Variants in COL11A1 observed in about 807,000 individuals in gnomAD.
The protein encoded by COL11A1 is collagen alpha-1(XI) chain.
A neutral mutation model predicts 265.2 loss-of-function variants in COL11A1; 74 were observed. The ratio of observed to expected loss-of-function variants is 0.28; its 90% CI spans 0.23 to 0.34. The LOEUF (loss-of-function observed/expected upper bound fraction) is 0.34, where lower values mean the gene tolerates loss of function less well. Among genes scored for constraint, COL11A1 ranks in the 10% least tolerant of loss-of-function variants. The probability of loss-of-function intolerance (pLI) is 1.00; values close to 1 mark genes in which losing one functional copy is unlikely to be tolerated. For missense variants in COL11A1, 2,165 were observed against 2,263.6 expected, an observed-to-expected ratio of 0.96 and a Z score of 0.88; for synonymous variants, 816 against 727.6, an observed-to-expected ratio of 1.12 and a Z score of -1.96.
rs758825857 is a variant in COL11A1, at chr1:102,995,999, C to T, written c.2285G>A (p.Arg762Gln). The change falls in exon 27 of 67, where the codon CGG becomes CAG. Residue 762 changes from arginine (R) to glutamine (Q), a missense_variant. Coordinates refer to ENST00000370096, the MANE Select transcript of COL11A1 (RefSeq NM_001854.4). ...ACAATTTAACGTTACCTTTACTCCC[C>T]GGGGGCCCGGGTATCCAATAGGACC... ...PQGPIGYPGP[R>Q]GVKGADGVRG... 2.2e-5 allele frequency: 36 copies of T among 1,613,256 alleles called. No individual in the cohort carries two copies. The highest frequency in any genetic ancestry group is 1.3e-4 in the South Asian group (12 of 91,072).
At chr1:102,940,532 T>C (rs1658616835) in intron 42 of COL11A1, 98 bp from the exon 43 acceptor site, 1 of 884,072 alleles carries the variant, frequency 1.1e-6, no homozygotes, top group African/African-American at 1.7e-5. Context: ...TATTGTTTAA[T>C]GTTTTTTAGA....
chr1:102,945,433 T>C (rs775763040), intron 42 of COL11A1, among the ~76,000 whole-genome samples: 4 of 152,172 alleles, frequency 2.6e-5, no homozygotes, highest in Non-Finnish European at 4.4e-5. Context: ...TGTGGTATTC[T>C]GTTATAACTG....
intron 42 of COL11A1, among the ~76,000 whole-genome samples, chr1:102,943,058 C>T (rs1265721139): frequency 1.3e-5 from 2 of 152,044 alleles, no homozygotes; most frequent in African/African-American, 2.4e-5. Flanking sequence ...CTTGAGTCTA[C>T]TCTCATTTCC....
At chr1:103,015,318 T>C (rs1222908648) in intron 12 of COL11A1, among the ~76,000 whole-genome samples, 1 of 151,904 alleles carries the variant, frequency 6.6e-6, no homozygotes, top group Admixed American at 6.6e-5. Context: ...AAATACTATT[T>C]ATGACTATAT....
chr1:102,968,042 C>T (rs971743418), intron 37 of COL11A1, among the ~76,000 whole-genome samples: 1 of 152,124 alleles, frequency 6.6e-6, no homozygotes, highest in Non-Finnish European at 1.5e-5. Flanking sequence ...CTCATTCAAT[C>T]CATTCAGAGT....
chr1:103,011,595 G>A (rs1488654446), intron 14 of COL11A1, among the ~76,000 whole-genome samples: 1 of 151,858 alleles, frequency 6.6e-6, no homozygotes, highest in Non-Finnish European at 1.5e-5. Flanking sequence ...AGAAGGCAAA[G>A]TACTTGATTT....
intron 2 of COL11A1, among the ~76,000 whole-genome samples, chr1:103,079,101 A>T (rs944093929): frequency 6.6e-6 from 1 of 152,112 alleles, no homozygotes; most frequent in African/African-American, 2.4e-5. Flanking sequence ...TTAAAGCACA[A>T]TGTTTATGTG....
intron 29 of COL11A1, 59 bp downstream of exon 29, chr1:102,989,459 G>GA (rs1454791339): frequency 3.2e-5 from 33 of 1,039,906 alleles, no homozygotes; most frequent in South Asian, 4.1e-5. Flanking sequence ...ATAAGCAAAG[G>GA]AAAAAATATA....
rs1439780148 is a variant in COL11A1, at chr1:102,898,750, A to T, written c.4164T>A (p.Pro1388=). The part of the protein sequence containing the change: ...GAKGEAGAEG[P]PGKTGPVGPQ... Reference sequence around the variant, plus strand: ...GACCGACTGGGCCGGTTTTTCCAGGAGGACCTTCTGCACCTGCTTCCCCCT... The same window carrying T: ...GACCGACTGGGCCGGTTTTTCCAGGTGGACCTTCTGCACCTGCTTCCCCCT... Residue 1388 remains proline (P), a synonymous_variant, in exon 56 of 67, where the codon CCT becomes CCA. Transcript: ENST00000370096. 6.2e-7 allele frequency: 1 copy of T among 1,613,168 alleles called. No individual in the cohort carries two copies. Among genetic ancestry groups the T allele is most frequent in the African/African-American group, 1.3e-5 (1 of 74,864 alleles).
rs1312927129 is a variant in COL11A1, at chr1:103,040,241, G to A, written c.652-8997C>T. Among the ~76,000 whole-genome samples the A allele has an allele frequency of 3.3e-5, 5 of 151,086 alleles. No individual in the cohort carries two copies. In the East Asian group the frequency reaches 9.7e-4, roughly 29 times the overall value. ...CTAGAAAAACATACCCCTAATATTTGAACTATGTGTGTATACATTTATATA... is the reference window on the plus strand; with the variant it reads ...CTAGAAAAACATACCCCTAATATTTAAACTATGTGTGTATACATTTATATA... On this transcript the variant is annotated intron_variant, in intron 4 of 66. Coordinates refer to ENST00000370096, the MANE Select transcript of COL11A1 (RefSeq NM_001854.4).
intron 41 of COL11A1, among the ~76,000 whole-genome samples, chr1:102,948,295 T>A (rs1220306067): frequency 6.6e-6 from 1 of 152,076 alleles, no homozygotes; most frequent in Admixed American, 6.6e-5. Flanking sequence ...AGCATCTGTT[T>A]TAAAAATGAA....
intron 4 of COL11A1, among the ~76,000 whole-genome samples, chr1:103,073,089 C>G (rs1671710647): frequency 6.6e-6 from 1 of 151,778 alleles, no homozygotes; most frequent in Non-Finnish European, 1.5e-5. Flanking sequence ...TTTCACTACT[C>G]ACTGTCATAT....
chr1:103,097,482 T>C (rs1673871244), intron 1 of COL11A1, among the ~76,000 whole-genome samples: 2 of 149,968 alleles, frequency 1.3e-5, no homozygotes, highest in African/African-American at 2.5e-5. Flanking sequence ...TCTTCGACTT[T>C]ACTAAACTTC....
intron 3 of COL11A1, among the ~76,000 whole-genome samples, chr1:103,076,223 C>T (rs770046056): frequency 5.3e-5 from 8 of 152,060 alleles, no homozygotes; most frequent in Non-Finnish European, 8.8e-5. Context: ...CTCCTATAGT[C>T]AGAAAATTCT....
chr1:103,044,276 C>T (rs2184879), intron 4 of COL11A1, among the ~76,000 whole-genome samples: 142,232 of 151,880 alleles, frequency 0.94, 66,823 homozygotes, highest in East Asian at 1. Context: ...AATTGAAAAA[C>T]GCATCAGAGA....
At chr1:102,901,921 T>G (rs1041898799) in intron 54 of COL11A1, among the ~76,000 whole-genome samples, 1 of 152,140 alleles carries the variant, frequency 6.6e-6, no homozygotes, top group African/African-American at 2.4e-5. Flanking sequence ...CCTAAGAAAT[T>G]CACAGAATTT....
intron 24 of COL11A1, among the ~76,000 whole-genome samples, chr1:103,000,191 G>A (rs1480953694): frequency 6.6e-6 from 1 of 151,692 alleles, no homozygotes; most frequent in Non-Finnish European, 1.5e-5. Flanking sequence ...TGTGTCAAGT[G>A]CAATACAAAA....
intron 43 of COL11A1, among the ~76,000 whole-genome samples, chr1:102,939,828 A>T (rs757564518): frequency 6.6e-6 from 1 of 152,166 alleles, no homozygotes; most frequent in Non-Finnish European, 1.5e-5. Flanking sequence ...ATAATATTTT[A>T]AAATAATATA....
At chr1:103,034,325 AT>A (rs1668199854) in intron 4 of COL11A1, among the ~76,000 whole-genome samples, 1 of 151,902 alleles carries the variant, frequency 6.6e-6, no homozygotes, top group East Asian at 1.9e-4. Flanking sequence ...TATTATGCCT[AT>A]TTTGGAATGT....
Sources: allele counts gnomAD v4.1 joint callset (sites outside exome capture counted in the v4.1 genomes callset), GRCh38; gene constraint gnomAD v4.1.1; transcripts MANE v1.5; gene names NCBI Gene and HGNC (gene_info 2026-07-23, HGNC 2026-07-21).